C21orf58: variants seen among roughly 807,000 people sequenced by gnomAD.
C21orf58 encodes uncharacterized protein C21orf58.
In C21orf58, 34 loss-of-function variants were observed where a neutral mutation model predicts 35.8. That is an observed-to-expected ratio of 0.95 (90% CI 0.72 to 1.26). The LOEUF (loss-of-function observed/expected upper bound fraction) is 1.26. Among genes scored for constraint, C21orf58 ranks in the 50% most tolerant of loss-of-function variants. The pLI, the probability that C21orf58 is intolerant of heterozygous loss-of-function variation, is 0.00. For synonymous variants in C21orf58, 191 were observed against 175.8 expected (o/e 1.09, Z -0.68); for missense variants, 440 against 414.3 (o/e 1.06, Z -0.54).
chr21:46,309,100 C>G (rs1005522664), intron 6 of C21orf58, among the ~76,000 whole-genome samples: 2 of 151,902 alleles, frequency 1.3e-5, no homozygotes, highest in Non-Finnish European at 2.9e-5. Flanking sequence ...GGGTGGATCA[C>G]CTGAGGTCAG....
intron 6 of C21orf58, among the ~76,000 whole-genome samples, chr21:46,304,387 T>C (rs2082321244): frequency 6.6e-6 from 1 of 151,348 alleles, no homozygotes. Flanking sequence ...CTTGGGAGGC[T>C]GAGGTGGGAG....
At chr21:46,316,267 C>T (rs74577232) in intron 3 of C21orf58, among the ~76,000 whole-genome samples, 495 of 152,118 alleles carry the variant, frequency 3.3e-3, no homozygotes, top group African/African-American at 0.011. Flanking sequence ...ACGAGCCTGG[C>T]GAACATGGCA....
intron 2 of C21orf58, 92 bp downstream of exon 2, chr21:46,317,920 C>G: frequency 7.1e-7 from 1 of 1,408,950 alleles, no homozygotes; most frequent in Non-Finnish European, 9.7e-7. Flanking sequence ...TGGGGCCCTG[C>G]ATTCTGCACC....
At chr21:46,318,291 C>T (rs1437896495) in intron 1 of C21orf58, 71 bp from the exon 2 acceptor site, 13 of 1,581,036 alleles carry the variant, frequency 8.2e-6, no homozygotes, top group Middle Eastern at 2.3e-4. Context: ...CAGAAGCCAG[C>T]GCTGGGCGCC....
At chr21:46,312,980 G>A in intron 5 of C21orf58, 1 of 985,296 alleles carries the variant, frequency 1.0e-6, no homozygotes, top group Non-Finnish European at 1.2e-6. Flanking sequence ...AGCATGAAAG[G>A]CCTTCTGTTT....
intron 6 of C21orf58, among the ~76,000 whole-genome samples, chr21:46,310,439 A>G (rs2082626128): frequency 6.6e-6 from 1 of 151,438 alleles, no homozygotes; most frequent in Non-Finnish European, 1.5e-5. Context: ...AGATGGCGCC[A>G]TTGCACTCCT....
intron 6 of C21orf58, among the ~76,000 whole-genome samples, chr21:46,308,386 G>A (rs896612235): frequency 1.1e-4 from 16 of 151,876 alleles, no homozygotes; most frequent in Non-Finnish European, 1.6e-4. Context: ...GTTTGAACCC[G>A]GGAGGCAGAG....
intron 5 of C21orf58, among the ~76,000 whole-genome samples, chr21:46,313,999 C>CA (rs2082858512): frequency 6.6e-6 from 1 of 152,192 alleles, no homozygotes; most frequent in African/African-American, 2.4e-5. Context: ...TTCAGAAAGT[C>CA]AGAGTTGTTT....
Position 46,314,807 on chromosome 21 carries a change from G to A in C21orf58, c.518C>T (p.Ala173Val). 6.5e-7 allele frequency: 1 copy of A among 1,546,648 alleles called. No homozygotes were observed. The highest frequency in any genetic ancestry group is 1.2e-5 in the South Asian group (1 of 83,744). Residue 173 changes from alanine (A) to valine (V), a missense_variant, in exon 5 of 8, where the codon GCC (alanine) becomes GTC (valine). Coordinates refer to ENST00000291691, the MANE Select transcript of C21orf58 (RefSeq NM_058180.5). The stretch of plus-strand genomic sequence containing the variant: ...CGTGGGGGGCAGCTCTGGGGGCAGG[G>A]CTGACCCGAGGGCTCCTCTGCTTGG... ...SGPSRGALGS[A>V]LPPELPPTGI...
At position 46,317,262 on chromosome 21, in the gene C21orf58, C is replaced by T. The variant is rs771040422; in HGVS notation, c.316G>A (p.Glu106Lys). The change falls in exon 3 of 8, where the codon GAG (glutamate) becomes AAG (lysine). Residue 106 changes from glutamate (E) to lysine (K), a missense_variant. Transcript: ENST00000291691. ...CCTTCCACGTTCTGCCGTTCTTGCTCCAGCTTCTGTGAGGAAGAGAGACCG... is the reference window on the plus strand; with the variant it reads ...CCTTCCACGTTCTGCCGTTCTTGCTTCAGCTTCTGTGAGGAAGAGAGACCG... ...LTLKLLGQKL[E>K]QERQNVEGGP... 4 of 1,611,638 alleles carry T rather than the reference C, an allele frequency of 2.5e-6. No homozygotes were observed. In the South Asian group the frequency reaches 3.3e-5, roughly 13 times the overall value.
chr21:46,315,374 A>G, intron 4 of C21orf58, 100 bp downstream of exon 4: 1 of 782,340 alleles, frequency 1.3e-6, no homozygotes, highest in East Asian at 2.5e-5. Context: ...GAGTCTGGAA[A>G]GGTCTTCCCT....
chr21:46,321,200 G>A (rs117036707), intron 1 of C21orf58, among the ~76,000 whole-genome samples: 6,552 of 151,762 alleles, frequency 0.043, 205 homozygotes, highest in Non-Finnish European at 0.066. Context: ...ACAGAGTCTC[G>A]CTGCGACGCC....
downstream of C21orf58, chr21:46,300,943 A>G: frequency 1.2e-6 from 1 of 804,286 alleles, no homozygotes; most frequent in Admixed American, 3.4e-5. Context: ...ACATGGTAAG[A>G]AACCCCACAG....
intron 3 of C21orf58, 66 bp downstream of exon 3, chr21:46,317,126 CCTCCCCCTGGAGGTGG>C (rs1250334065): frequency 1.4e-5 from 17 of 1,253,004 alleles, no homozygotes; most frequent in Admixed American, 8.0e-5. Flanking sequence ...GCTGTCCCCA[CCTCCCCCTGGAGGTGG>C]CTCCCCCTGG....
intron 6 of C21orf58, among the ~76,000 whole-genome samples, chr21:46,306,370 A>G (rs996404511): frequency 3.3e-5 from 5 of 150,530 alleles, no homozygotes; most frequent in Non-Finnish European, 7.4e-5. Flanking sequence ...ATGGTGGCAC[A>G]CGCCTGTAGT....
chr21:46,314,159 TCTC>T lies in C21orf58; in HGVS notation c.609+554_609+556del, dbSNP rs796206322. On this transcript the variant is annotated intron_variant, in intron 5 of 7. Transcript: ENST00000291691. Reference sequence around the variant, plus strand: ...TTTTTTTTGAGATGGAGTCTTGTAATCTCCTCTTTCTGGGCTCAAGCGATTCTC... The same window carrying T: ...TTTTTTTTGAGATGGAGTCTTGTAATCTCTTTCTGGGCTCAAGCGATTCTC... Among the ~76,000 whole-genome samples the T allele has an allele frequency of 7.1e-4, 73 of 102,946 alleles. 2 individuals carry two copies. The highest frequency in any genetic ancestry group is 1.9e-3 in the African/African-American group (62 of 32,728). 67.5% of individuals were successfully genotyped at this position (102,946 alleles called of 152,430 possible).
At chr21:46,322,459 G>C in intron 1 of C21orf58, 180 bp downstream of exon 1, 1 of 985,360 alleles carries the variant, frequency 1.0e-6, no homozygotes. Flanking sequence ...TAACAGTTGT[G>C]AGATTCAGGC....
At chr21:46,321,053 T>C (rs2083138072) in intron 1 of C21orf58, among the ~76,000 whole-genome samples, 1 of 152,120 alleles carries the variant, frequency 6.6e-6, no homozygotes, top group Non-Finnish European at 1.5e-5. Context: ...ATAGGGTTTT[T>C]AAGAACAGTT....
Position 46,302,557 on chromosome 21 carries a change from C to T in C21orf58, c.741G>A (p.Leu247=), listed in dbSNP as rs2145889863. ...ACTGGTGCACCTGTGCGTTCTGCAG[C>T]AGCAGCAGCTCCACCATGTCTGCAG... ...SIKEDMVELL[L]LQNAQVHQLV... Residue 247 remains leucine, a synonymous_variant, in exon 7 of 8, where the codon CTG becomes CTA. Coordinates refer to ENST00000291691, the MANE Select transcript of C21orf58 (RefSeq NM_058180.5). 2 of 1,612,300 alleles carry T rather than the reference C, an allele frequency of 1.2e-6. No homozygotes were observed. Among genetic ancestry groups the T allele is most frequent in the Non-Finnish European group, 1.7e-6 (2 of 1,179,182 alleles).
Sources: gnomAD v4.1 joint callset for allele counts (sites outside exome capture counted in the v4.1 genomes callset) on GRCh38, gnomAD v4.1.1 for gene constraint, MANE v1.5 for transcripts, NCBI Gene and HGNC (gene_info 2026-07-23, HGNC 2026-07-21) for gene names.